Variants in SYN2 observed in about 807,000 individuals in gnomAD.
SYN2 encodes the protein synapsin II, also known as synapsin-2.
SYN2 carries 19 observed loss-of-function variants against 50.9 expected under a neutral mutation model. That is an observed-to-expected ratio of 0.37 (90% CI 0.26 to 0.55). SYN2 has a LOEUF of 0.55. SYN2 is among the 20% of genes least tolerant of loss of function. SYN2 has a pLI of 0.81. For synonymous variants in SYN2, 255 were observed against 224.9 expected, an observed-to-expected ratio of 1.13 and a Z score of -1.20; for missense variants, 587 against 576.4, an observed-to-expected ratio of 1.02 and a Z score of -0.19.
chr3:12,015,212 G>A (rs557618291), intron 1 of SYN2, among the ~76,000 whole-genome samples: 3 of 152,246 alleles, frequency 2.0e-5, no homozygotes, highest in Non-Finnish European at 2.9e-5. Context: ...CTAGCATCAG[G>A]ACTTAATCCT....
At chr3:12,184,993 C>G (rs189412988) in intron 11 of SYN2, 1,449 of 985,772 alleles carry the variant, frequency 1.5e-3, no homozygotes, top group Admixed American at 1.8e-3. Flanking sequence ...TGGTATGTAA[C>G]AAGAGTTACG....
chr3:12,179,068 A>G (rs1034499706), intron 10 of SYN2, among the ~76,000 whole-genome samples: 1 of 152,212 alleles, frequency 6.6e-6, no homozygotes, highest in Non-Finnish European at 1.5e-5. Flanking sequence ...TCCCTTAACA[A>G]GTGGTGGACC....
chr3:12,024,005 A>G (rs990709030), intron 1 of SYN2, among the ~76,000 whole-genome samples: 3 of 152,170 alleles, frequency 2.0e-5, no homozygotes, highest in African/African-American at 4.8e-5. Flanking sequence ...AAATCAAAGT[A>G]TAAAACTGAC....
rs576357769 is a variant in SYN2, at chr3:12,040,578, G to A, written c.377+35650G>A. ...CTCCCGAGTAGCTGGGACTACAGAC[G>A]CCCGCCACCACACCCGGCTAATTTT... On this transcript the variant is annotated intron_variant, in intron 1 of 12. Transcript: ENST00000621198. 3.7e-4 allele frequency among the ~76,000 whole-genome samples: 56 copies of A among 151,744 alleles called. No individual in the cohort carries two copies. In the South Asian group the frequency reaches 0.011, roughly 29 times the overall value.
At chr3:12,172,495 T>G (rs1286468227) in intron 10 of SYN2, among the ~76,000 whole-genome samples, 1 of 152,216 alleles carries the variant, frequency 6.6e-6, no homozygotes, top group Non-Finnish European at 1.5e-5. Flanking sequence ...CAAAGGAAGA[T>G]GTGTAGAGCA....
intron 4 of SYN2, among the ~76,000 whole-genome samples, chr3:12,147,265 T>G (rs948372088): frequency 2.0e-5 from 3 of 152,168 alleles, no homozygotes; most frequent in Admixed American, 6.5e-5. Flanking sequence ...TCTTGATCTT[T>G]TTTTTCACCC....
chr3:12,093,363 G>A (rs1294822655), intron 1 of SYN2, among the ~76,000 whole-genome samples: 1 of 152,090 alleles, frequency 6.6e-6, no homozygotes, highest in Non-Finnish European at 1.5e-5. Flanking sequence ...GAAATGCAAG[G>A]TAGAAAAAGA....
intron 1 of SYN2, among the ~76,000 whole-genome samples, chr3:12,108,402 C>T (rs182258475): frequency 4.6e-5 from 7 of 152,192 alleles, no homozygotes; most frequent in Admixed American, 6.5e-5. Context: ...CACTATAATA[C>T]GGTTCTTAAC....
intron 1 of SYN2, among the ~76,000 whole-genome samples, chr3:12,035,464 A>G (rs1048221368): frequency 2.0e-5 from 3 of 152,246 alleles, no homozygotes; most frequent in African/African-American, 4.8e-5. Context: ...AGAGAAGGTG[A>G]GGCATTTATT....
At chr3:12,052,147 G>T (rs939677433) in intron 1 of SYN2, among the ~76,000 whole-genome samples, 1 of 152,170 alleles carries the variant, frequency 6.6e-6, no homozygotes, top group Non-Finnish European at 1.5e-5. Context: ...TTTATTGAAT[G>T]CTAGCTACAT....
intron 1 of SYN2, among the ~76,000 whole-genome samples, chr3:12,092,186 G>A (rs1430390749): frequency 6.6e-6 from 1 of 152,144 alleles, no homozygotes; most frequent in African/African-American, 2.4e-5. Flanking sequence ...TAGACTGTAT[G>A]TGAGGAAATA....
chr3:12,052,618 T>C (rs988167658), intron 1 of SYN2, among the ~76,000 whole-genome samples: 1 of 152,250 alleles, frequency 6.6e-6, no homozygotes, highest in South Asian at 2.1e-4. Context: ...CTGGATAACA[T>C]GATAAAGAGT....
At chr3:12,168,541 G>A in intron 9 of SYN2, 63 bp downstream of exon 9, 1 of 1,373,472 alleles carries the variant, frequency 7.3e-7, no homozygotes, top group South Asian at 1.2e-5. Flanking sequence ...GGGCAGCTCA[G>A]ACTGCCTTTA....
At chr3:12,011,394 C>A (rs1693908773) in intron 1 of SYN2, among the ~76,000 whole-genome samples, 1 of 152,128 alleles carries the variant, frequency 6.6e-6, no homozygotes, top group Admixed American at 6.5e-5. Flanking sequence ...TTCAATACAG[C>A]AGGAAGACGT....
chr3:12,075,608 G>A (rs906191211), intron 1 of SYN2, among the ~76,000 whole-genome samples: 3 of 151,970 alleles, frequency 2.0e-5, no homozygotes, highest in African/African-American at 7.2e-5. Context: ...CTTTAAATTA[G>A]AAAATTAAAT....
chr3:12,123,957 G>T (rs1696614314), intron 1 of SYN2, among the ~76,000 whole-genome samples: 1 of 152,084 alleles, frequency 6.6e-6, no homozygotes, highest in Admixed American at 6.6e-5. Flanking sequence ...GCTGCAGTGA[G>T]CCATGATCAC....
chr3:12,113,947 T>A (rs1402482684), intron 1 of SYN2, among the ~76,000 whole-genome samples: 1 of 152,288 alleles, frequency 6.6e-6, no homozygotes, highest in South Asian at 2.1e-4. Context: ...TGTTTTCAGT[T>A]CCCAGAATGG....
At chr3:12,111,208 G>A (rs1235299006) in intron 1 of SYN2, among the ~76,000 whole-genome samples, 2 of 152,150 alleles carry the variant, frequency 1.3e-5, no homozygotes, top group East Asian at 3.9e-4. Flanking sequence ...GGTTTAAAAA[G>A]GAGAGTTCCC....
At chr3:12,161,705 T>A (rs1559447894) in intron 6 of SYN2, 97 bp downstream of exon 6, 1 of 1,384,574 alleles carries the variant, frequency 7.2e-7, no homozygotes, top group Non-Finnish European at 1.0e-6. Context: ...CTGTCACTGA[T>A]GAATTCTTTC....
Sources: gnomAD v4.1 joint callset for allele counts (sites outside exome capture counted in the v4.1 genomes callset) on GRCh38, gnomAD v4.1.1 for gene constraint, MANE v1.5 for transcripts, NCBI Gene and HGNC (gene_info 2026-07-23, HGNC 2026-07-21) for gene names.